Variants in ESF1 observed in about 807,000 individuals in gnomAD.
ESF1 encodes ESF1 homolog.
Under a neutral mutation model 92.0 loss-of-function variants are expected in ESF1, and 58 were observed. The observed-to-expected ratio is 0.63, with a 90% CI of 0.51 to 0.78. The LOEUF (loss-of-function observed/expected upper bound fraction) is 0.78, where lower values mean the gene tolerates loss of function less well. ESF1 is among the 30% of genes least tolerant of loss of function. ESF1 has a pLI of 0.00. For missense variants in ESF1, 922 were observed against 989.1 expected (o/e 0.93, Z 0.91); for synonymous variants, 321 against 313.7 (o/e 1.02, Z -0.24).
Position 13,718,994 on chromosome 20 carries a change from C to G in ESF1, c.2039-10G>C. On this transcript the variant is annotated splice_polypyrimidine_tract_variant and intron_variant, in intron 11 of 13. Coordinates refer to ENST00000617257, the MANE Select transcript of ESF1 (RefSeq NM_001276380.2). The stretch of plus-strand genomic sequence containing the variant: ...GATTTTTTATTTATACCTGGCACAA[C>G]AAACCAACATAAGAGTGGTAAAAAT... The G allele has an allele frequency of 3.1e-6, 5 of 1,593,144 alleles. No homozygotes were observed. The highest frequency in any genetic ancestry group is 1.1e-5 in the South Asian group (1 of 88,270).
intron 9 of ESF1, among the ~76,000 whole-genome samples, chr20:13,746,645 G>A (rs937474718): frequency 1.3e-5 from 2 of 152,168 alleles, no homozygotes; most frequent in Non-Finnish European, 2.9e-5. Context: ...TTCCCTGGAA[G>A]AGTTTCCTGT....
chr20:13,721,974 C>A (rs2049871098), intron 11 of ESF1, among the ~76,000 whole-genome samples: 2 of 152,048 alleles, frequency 1.3e-5, no homozygotes, highest in African/African-American at 2.4e-5. Context: ...GGTATGAACC[C>A]CCCATTCCCT....
chr20:13,714,774 G>A lies in ESF1; in HGVS notation c.*100C>T, dbSNP rs984874834. The A allele has an allele frequency of 9.3e-7, 1 of 1,071,448 alleles. No individual in the cohort carries two copies. The highest frequency in any genetic ancestry group is 1.3e-6 in the Non-Finnish European group (1 of 770,384). 66.4% of individuals were successfully genotyped at this position (1,071,448 alleles called of 1,614,324 possible). Reference sequence around the variant, plus strand: ...ATGTCCAGAAAAAGATTTTATTCATGTTCTTGAAAGATAGCTTTGTTCCCA... The same window carrying A: ...ATGTCCAGAAAAAGATTTTATTCATATTCTTGAAAGATAGCTTTGTTCCCA... On this transcript the variant is annotated 3_prime_UTR_variant, in exon 14 of 14. Coordinates refer to ENST00000617257, the MANE Select transcript of ESF1 (RefSeq NM_001276380.2).
At chr20:13,760,627 G>A (rs538680301) in intron 8 of ESF1, among the ~76,000 whole-genome samples, 44 of 149,936 alleles carry the variant, frequency 2.9e-4, no homozygotes, top group South Asian at 1.5e-3. Flanking sequence ...AGTGAGGAGC[G>A]TCTCCGCCCG....
At position 13,740,505 on chromosome 20, in the gene ESF1, G is replaced by C. The variant is rs548203211; in HGVS notation, c.1829-6663C>G. 3.9e-5 allele frequency among the ~76,000 whole-genome samples: 6 copies of C among 152,270 alleles called. No homozygotes were observed. In the East Asian group the frequency reaches 1.2e-3, roughly 29 times the overall value. On this transcript the variant is annotated intron_variant, in intron 9 of 13. Transcript: ENST00000617257. ...AGAGATTCAAAGGGATGGAAAATAT[G>C]AGTTATCAGATTCAGAGTTAGAATG...
At chr20:13,734,602 G>A (rs762410582) in intron 9 of ESF1, among the ~76,000 whole-genome samples, 20 of 152,128 alleles carry the variant, frequency 1.3e-4, no homozygotes, top group Non-Finnish European at 2.4e-4. Flanking sequence ...GGGAGAAAAA[G>A]CCCTAAGGCT....
chr20:13,748,584 A>T (rs1255428561), intron 9 of ESF1, among the ~76,000 whole-genome samples: 1 of 68,192 alleles, frequency 1.5e-5, no homozygotes. Flanking sequence ...GTATATATAT[A>T]TATATATATT....
At chr20:13,774,565 T>G (rs964349611) in intron 4 of ESF1, among the ~76,000 whole-genome samples, 3 of 152,216 alleles carry the variant, frequency 2.0e-5, no homozygotes, top group Admixed American at 6.5e-5. Flanking sequence ...TATATCCATT[T>G]GGATATATTG....
intron 8 of ESF1, among the ~76,000 whole-genome samples, chr20:13,765,480 G>A (rs1240347575): frequency 6.6e-6 from 1 of 152,192 alleles, no homozygotes; most frequent in East Asian, 1.9e-4. Flanking sequence ...GACCTGTTTT[G>A]CTCTGAGATC....
At chr20:13,735,008 G>C (rs1263590060) in intron 9 of ESF1, among the ~76,000 whole-genome samples, 1 of 152,070 alleles carries the variant, frequency 6.6e-6, no homozygotes, top group African/African-American at 2.4e-5. Context: ...CCTACAGAAT[G>C]AAGAAATATA....
intron 9 of ESF1, among the ~76,000 whole-genome samples, chr20:13,758,086 T>G (rs916511046): frequency 2.0e-5 from 3 of 152,096 alleles, no homozygotes; most frequent in African/African-American, 7.2e-5. Flanking sequence ...GCTCAACCCC[T>G]TAAAGCAGCC....
At chr20:13,737,798 C>T (rs928019118) in intron 9 of ESF1, among the ~76,000 whole-genome samples, 6 of 151,904 alleles carry the variant, frequency 3.9e-5, no homozygotes, top group African/African-American at 1.2e-4. Flanking sequence ...GGATTACAGG[C>T]GCACGCCACC....
At chr20:13,752,032 A>T (rs1011299568) in intron 9 of ESF1, among the ~76,000 whole-genome samples, 4 of 152,084 alleles carry the variant, frequency 2.6e-5, no homozygotes, top group Non-Finnish European at 4.4e-5. Context: ...AATAACAATA[A>T]ATCAATATTA....
Position 13,782,825 on chromosome 20 carries a change from C to T in ESF1, c.316G>A (p.Asp106Asn), listed in dbSNP as rs375926398. 2.3e-5 allele frequency: 37 copies of T among 1,603,102 alleles called. No homozygotes were observed. The highest frequency in any genetic ancestry group is 1.2e-4 in the African/African-American group (9 of 73,792). Residue 106 changes from aspartate to asparagine, a missense_variant, in exon 2 of 14, where the codon GAT becomes AAT. Coordinates refer to ENST00000617257, the MANE Select transcript of ESF1 (RefSeq NM_001276380.2). The part of the protein sequence containing the change: ...KKKTQTKKEI[D>N]SKNLVEKKKE... ...TTTTTCTCAACTAGATTTTTTGAAT[C>T]GATTTCTTTTTTAGTCTGGGTTTTT...
chr20:13,771,300 G>T (rs1332840843), intron 6 of ESF1, 31 bp downstream of exon 6: 2 of 1,567,916 alleles, frequency 1.3e-6, no homozygotes, highest in South Asian at 1.1e-5. Context: ...TGTACTAAAA[G>T]ATTAAATTGG....
At chr20:13,773,201 G>T (rs1321808571) in intron 4 of ESF1, among the ~76,000 whole-genome samples, 3 of 152,098 alleles carry the variant, frequency 2.0e-5, no homozygotes, top group African/African-American at 7.2e-5. Flanking sequence ...AGAAATAATT[G>T]TATTAATGAC....
intron 4 of ESF1, among the ~76,000 whole-genome samples, chr20:13,773,900 C>G (rs906604798): frequency 3.9e-5 from 6 of 152,064 alleles, no homozygotes; most frequent in Non-Finnish European, 8.8e-5. Context: ...TCGAGACCAT[C>G]CTGGCTAACA....
intron 11 of ESF1, among the ~76,000 whole-genome samples, chr20:13,722,266 G>A (rs2049873235): frequency 6.6e-6 from 1 of 151,962 alleles, no homozygotes; most frequent in Non-Finnish European, 1.5e-5. Flanking sequence ...CCCAAGATAG[G>A]GCTAAACATG....
At chr20:13,718,309 G>A (rs948576051) in intron 12 of ESF1, among the ~76,000 whole-genome samples, 2 of 152,098 alleles carry the variant, frequency 1.3e-5, no homozygotes, top group African/African-American at 4.8e-5. Flanking sequence ...GCACACTTCT[G>A]GACAGTGACA....
Sources: gnomAD v4.1 joint callset for allele counts (sites outside exome capture counted in the v4.1 genomes callset) on GRCh38, gnomAD v4.1.1 for gene constraint, MANE v1.5 for transcripts, NCBI Gene and HGNC (gene_info 2026-07-23, HGNC 2026-07-21) for gene names.